MTG1: variants seen among roughly 807,000 people sequenced by gnomAD.
MTG1 encodes mitochondrial ribosome associated GTPase 1, also known as mitochondrial ribosome-associated GTPase 1.
MTG1 carries 30 observed loss-of-function variants against 39.5 expected under a neutral mutation model. That is an observed-to-expected ratio of 0.76 (90% CI 0.57 to 1.03). The LOEUF (loss-of-function observed/expected upper bound fraction) is 1.03, where lower values mean the gene tolerates loss of function less well. MTG1 is among the 50% of genes least tolerant of loss of function. MTG1 has a pLI of 0.00. For synonymous variants in MTG1, 217 were observed against 179.0 expected, an observed-to-expected ratio of 1.21 and a Z score of -1.69; for missense variants, 513 against 447.4, an observed-to-expected ratio of 1.15 and a Z score of -1.32.
chr10:133,397,661 G>A (rs926673094), intron 3 of MTG1, among the ~76,000 whole-genome samples: 1 of 151,898 alleles, frequency 6.6e-6, no homozygotes, highest in Non-Finnish European at 1.5e-5. Context: ...TGTATCTTTA[G>A]TAGAGACGGG....
intron 9 of MTG1, among the ~76,000 whole-genome samples, chr10:133,417,765 C>T (rs1323578744): frequency 1.3e-5 from 2 of 152,046 alleles, no homozygotes; most frequent in Non-Finnish European, 2.9e-5. Context: ...GAGTGAACTC[C>T]CATTCACAAT....
At chr10:133,404,328 T>C (rs781534626) in intron 9 of MTG1, among the ~76,000 whole-genome samples, 1 of 152,086 alleles carries the variant, frequency 6.6e-6, no homozygotes, top group Non-Finnish European at 1.5e-5. Flanking sequence ...GGTTTCCCCA[T>C]GTTGCCCAGG....
intron 9 of MTG1, among the ~76,000 whole-genome samples, chr10:133,408,655 A>G (rs1440536777): frequency 3.9e-5 from 6 of 152,240 alleles, no homozygotes; most frequent in Admixed American, 2.0e-4. Flanking sequence ...TTGATAGTTC[A>G]GCAGTGAAGC....
At position 133,396,049 on chromosome 10, in the gene MTG1, C is replaced by T. The variant is rs556372614; in HGVS notation, c.178-114C>T. On this transcript the variant is annotated intron_variant, in intron 2 of 10. Transcript: ENST00000317502. ...AATGTTCCTGCCAACTGGGGCTTTT[C>T]TCCTGTACTTGAGGAATGAATTGGC... 4 of 1,012,296 alleles carry T rather than the reference C, an allele frequency of 4.0e-6. No individual in the cohort carries two copies. The African/African-American group carries it at 6.4e-5, about 16-fold the overall frequency. 62.7% of individuals were successfully genotyped at this position (1,012,296 alleles called of 1,614,324 possible). A position where few individuals can be genotyped will look rare whatever the true frequency, so the allele number is the denominator to read the frequency against.
intron 9 of MTG1, among the ~76,000 whole-genome samples, chr10:133,417,774 A>G (rs374718253): frequency 2.0e-5 from 3 of 152,230 alleles, no homozygotes; most frequent in African/African-American, 2.4e-5. Flanking sequence ...CCCATTCACA[A>G]TTGCTTCAAA....
At position 133,399,202 on chromosome 10, in the gene MTG1, A is replaced by G. The variant is rs1385540570; in HGVS notation, c.396A>G (p.Arg132=). The change falls in exon 5 of 11, where the codon AGA becomes AGG. Residue 132 remains arginine (R), a synonymous_variant. Coordinates refer to ENST00000317502, the MANE Select transcript of MTG1 (RefSeq NM_138384.4). ...CGATGGTCACTGAACTGATTGGGAG[A>G]AGCCACCGCTACCACCGAAAAGAGG... ...IIPMVTELIG[R]SHRYHRKENL... The G allele has an allele frequency of 3.1e-6, 5 of 1,613,950 alleles. No homozygotes were observed. Among genetic ancestry groups the G allele is most frequent in the Non-Finnish European group, 4.2e-6 (5 of 1,180,014 alleles).
At chr10:133,411,188 G>A (rs1160279620) in intron 9 of MTG1, among the ~76,000 whole-genome samples, 2 of 151,582 alleles carry the variant, frequency 1.3e-5, no homozygotes, top group Non-Finnish European at 2.9e-5. Flanking sequence ...CATGTTTGAA[G>A]GTGTGTCCTC....
chr10:133,409,875 A>G (rs1589915846), intron 9 of MTG1, among the ~76,000 whole-genome samples: 1 of 144,716 alleles, frequency 6.9e-6, no homozygotes, highest in African/African-American at 2.5e-5. Context: ...CTGTTCTGTC[A>G]TCTGTAAGTA....
intron 9 of MTG1, among the ~76,000 whole-genome samples, chr10:133,415,973 A>G (rs936146338): frequency 6.9e-6 from 1 of 144,850 alleles, no homozygotes; most frequent in Non-Finnish European, 1.5e-5. Context: ...GGTGTCGGGC[A>G]GGCGGGTGTC....
At chr10:133,398,066 T>C (rs1302915842) in intron 3 of MTG1, among the ~76,000 whole-genome samples, 3 of 152,222 alleles carry the variant, frequency 2.0e-5, no homozygotes, top group African/African-American at 4.8e-5. Context: ...GTGTGTCTTA[T>C]GTTTGATCTC....
chr10:133,421,770 AG>A lies in MTG1; in HGVS notation c.*1608del, dbSNP rs1395213230. 6.5e-6 allele frequency: 1 copy of A among 153,436 alleles called. No homozygotes were observed. Among genetic ancestry groups the A allele is most frequent in the Non-Finnish European group, 1.5e-5 (1 of 68,826 alleles). The allele number at this position is 153,436 out of a possible 1,614,324, so 9.5% of individuals were successfully genotyped here. The stretch of plus-strand genomic sequence containing the variant: ...CCAGCTGGGGAAGGCAGAGGCTGGC[AG>A]GGCCCGTGGTGGGTGCTGGTCTTGA... On this transcript the variant is annotated 3_prime_UTR_variant, in exon 11 of 11. Transcript: ENST00000317502.
In MTG1 at chr10:133,399,519, G is replaced by C; in HGVS notation, c.421-10G>C. On this transcript the variant is annotated splice_polypyrimidine_tract_variant and intron_variant, in intron 5 of 10. Coordinates refer to ENST00000317502, the MANE Select transcript of MTG1 (RefSeq NM_138384.4). ...GGTGGGCCCTGTGACCCCTCTCTCTGCCTGCGCAGAACCTGGAGTACTGTA... is the reference window on the plus strand; with the variant it reads ...GGTGGGCCCTGTGACCCCTCTCTCTCCCTGCGCAGAACCTGGAGTACTGTA... 1.9e-6 allele frequency: 3 copies of C among 1,613,818 alleles called. No homozygotes were observed. Among genetic ancestry groups the C allele is most frequent in the Non-Finnish European group, 2.5e-6 (3 of 1,179,828 alleles).
intron 9 of MTG1, among the ~76,000 whole-genome samples, chr10:133,417,460 A>G (rs987767005): frequency 1.3e-5 from 2 of 149,944 alleles, no homozygotes; most frequent in Non-Finnish European, 3.0e-5. Flanking sequence ...CCCTTTGAAA[A>G]CTGGCACAAG....
chr10:133,401,498 A>C, intron 6 of MTG1, 31 bp from the exon 7 acceptor site: 2 of 1,537,956 alleles, frequency 1.3e-6, no homozygotes, highest in Non-Finnish European at 1.8e-6. Context: ...TTTAGTATAC[A>C]TTTGAGCCTC....
At chr10:133,409,690 C>T (rs947726186) in intron 9 of MTG1, among the ~76,000 whole-genome samples, 2 of 152,192 alleles carry the variant, frequency 1.3e-5, no homozygotes, top group Non-Finnish European at 1.5e-5. Context: ...CTTTATATAT[C>T]TGGGTGCTCT....
At chr10:133,419,637 C>T in intron 10 of MTG1, 45 bp downstream of exon 10, 1 of 1,476,972 alleles carries the variant, frequency 6.8e-7, no homozygotes, top group South Asian at 1.2e-5. Flanking sequence ...CACCCCATCA[C>T]CCTGGGGGAC....
At chr10:133,419,702 C>T in intron 10 of MTG1, 110 bp downstream of exon 10, 1 of 915,292 alleles carries the variant, frequency 1.1e-6, no homozygotes, top group Non-Finnish European at 1.7e-6. Flanking sequence ...GGAGCATGCG[C>T]CGGGTCTTCT....
intron 9 of MTG1, among the ~76,000 whole-genome samples, chr10:133,410,385 AG>A (rs1306314392): frequency 1.3e-5 from 2 of 152,144 alleles, no homozygotes; most frequent in East Asian, 1.9e-4. Context: ...TGGAGAATAT[AG>A]TACATTTGCT....
intron 9 of MTG1, 41 bp from the exon 10 acceptor site, chr10:133,419,439 A>C: frequency 6.5e-7 from 1 of 1,532,884 alleles, no homozygotes; most frequent in Non-Finnish European, 8.8e-7. Flanking sequence ...GCGCGGTGTC[A>C]GTGCTGGGCC....
Sources: gnomAD v4.1 joint callset for allele counts (sites outside exome capture counted in the v4.1 genomes callset) on GRCh38, gnomAD v4.1.1 for gene constraint, MANE v1.5 for transcripts, NCBI Gene and HGNC (gene_info 2026-07-23, HGNC 2026-07-21) for gene names.